Variants in THBS3 observed in about 807,000 individuals in gnomAD.
THBS3 encodes the protein thrombospondin-3.
Under a neutral mutation model 118.3 loss-of-function variants are expected in THBS3, and 78 were observed. The observed-to-expected ratio is 0.66, with a 90% CI of 0.55 to 0.80. The LOEUF (loss-of-function observed/expected upper bound fraction) is 0.80, where lower values mean the gene tolerates loss of function less well. THBS3 is among the 30% of genes least tolerant of loss of function. The pLI is 0.00. For missense variants in THBS3, 1,057 were observed against 1,247.4 expected (o/e 0.85, Z 2.30); for synonymous variants, 427 against 475.3 (o/e 0.90, Z 1.32).
At chr1:155,209,104 C>T (rs2148049199), upstream of THBS3, 12 of 1,543,250 alleles carry the variant, frequency 7.8e-6, no homozygotes, top group Non-Finnish European at 1.0e-5. Flanking sequence ...GTTCAGCTGC[C>T]AGTCGGGCCA....
chr1:155,198,234 G>C lies in THBS3; in HGVS notation c.2075-14C>G, dbSNP rs1484780967. ...CAACGCCATTGCCTGGGCAGAGTGA[G>C]GCTGGGTGCTCAGGAAGGCCCTGGC... On this transcript the variant is annotated splice_polypyrimidine_tract_variant and intron_variant, in intron 17 of 22. Coordinates refer to ENST00000368378, the MANE Select transcript of THBS3 (RefSeq NM_007112.5). 1 of 1,613,186 alleles carries C rather than the reference G, an allele frequency of 6.2e-7. No individual in the cohort carries two copies. Among genetic ancestry groups the C allele is most frequent in the African/African-American group, 1.3e-5 (1 of 74,912 alleles).
At position 155,202,770 on chromosome 1, in the gene THBS3, A is replaced by AC; in HGVS notation, c.957+41dup. ...CTCTTGGGTGCCTCCTGACATCCTCACCCCAGTTTTCTGTACCCTTCTGGG... is the reference window on the plus strand; with the variant it reads ...CTCTTGGGTGCCTCCTGACATCCTCACCCCCAGTTTTCTGTACCCTTCTGGG... On this transcript the variant is annotated intron_variant, in intron 8 of 22. Coordinates refer to ENST00000368378, the MANE Select transcript of THBS3 (RefSeq NM_007112.5). The surrounding 1 kb of genome is among the most constrained non-coding windows in gnomAD (Gnocchi z 5.5). 6.4e-7 allele frequency: 1 copy of AC among 1,572,976 alleles called. No individual in the cohort carries two copies. The highest frequency in any genetic ancestry group is 8.6e-7 in the Non-Finnish European group (1 of 1,158,442).
rs538413384 is a variant in THBS3 at position 155,205,307 on chromosome 1, C to T, written c.296G>A (p.Arg99Gln). The change falls in exon 3 of 23, where the codon CGA becomes CAA. Residue 99 changes from arginine (R) to glutamine (Q), a missense_variant. Coordinates refer to ENST00000368378, the MANE Select transcript of THBS3 (RefSeq NM_007112.5). ...VVGKINKVLV[R>Q]YQREDGKVHA... The stretch of plus-strand genomic sequence containing the variant: ...GACTTTGCCATCCTCCCGCTGGTAT[C>T]GCACCAGTACTGCCCAGGAGGGGAG... 11 of 1,613,800 alleles carry T rather than the reference C, an allele frequency of 6.8e-6. No homozygotes were observed. The highest frequency in any genetic ancestry group is 3.3e-5 in the Admixed American group (2 of 60,014).
chr1:155,208,864 G>T (rs368634289), upstream of THBS3: 11 of 1,610,388 alleles, frequency 6.8e-6, no homozygotes, highest in Admixed American at 1.7e-5. Context: ...AGGGGCCCTG[G>T]AGCAGTACAG....
At chr1:155,204,797 A>C (rs1213013057) in intron 4 of THBS3, 58 bp downstream of exon 4, 11 of 1,459,026 alleles carry the variant, frequency 7.5e-6, no homozygotes, top group Non-Finnish European at 1.1e-5. Context: ...AGAAGACAGG[A>C]GTCACCAAAG....
chr1:155,197,170 G>T lies in THBS3; in HGVS notation c.2543C>A (p.Ala848Asp). 1 of 1,614,172 alleles carries T rather than the reference G, an allele frequency of 6.2e-7. No individual in the cohort carries two copies. The highest frequency in any genetic ancestry group is 8.5e-7 in the Non-Finnish European group (1 of 1,180,008). ...AGGGGTGTGGCCAGTATGCCACAGG[G>T]CATTTCGGAGGTGCTCACCTGGGCC... ...VSGPGEHLRNALWHTGHTPDQ... is the reference protein window; with the variant it reads ...VSGPGEHLRNDLWHTGHTPDQ... Residue 848 changes from alanine (A) to aspartate (D), a missense_variant, in exon 21 of 23, where the codon GCC (alanine) becomes GAC (aspartate). Physicochemically the swap from Ala to Asp is moderately radical, Grantham distance 126. Around this residue, in one of 3 missense-constraint regions of THBS3, gnomAD observed 307 missense variants for 326.1 expected, o/e 0.94. Coordinates refer to ENST00000368378, the MANE Select transcript of THBS3 (RefSeq NM_007112.5). The surrounding 1 kb of genome is among the most constrained non-coding windows in gnomAD (Gnocchi z 5.0).
At chr1:155,205,933 C>T (rs1192929158) in intron 2 of THBS3, among the ~76,000 whole-genome samples, 1 of 152,174 alleles carries the variant, frequency 6.6e-6, no homozygotes, top group Non-Finnish European at 1.5e-5. Flanking sequence ...CAGAGACATG[C>T]CTCACCCTCC....
chr1:155,206,146 G>T lies in THBS3; in HGVS notation c.286+54C>A. ...GGAAGCACTTGGGAAGTAGGGATGA[G>T]GGAGAGTGCTTAAGGAGGTCACCAT... On this transcript the variant is annotated intron_variant, in intron 2 of 22. Transcript: ENST00000368378. The surrounding 1 kb of genome is among the most constrained non-coding windows in gnomAD (Gnocchi z 4.2). The T allele has an allele frequency of 6.3e-7, 1 of 1,587,512 alleles. No homozygotes were observed. The highest frequency in any genetic ancestry group is 8.6e-7 in the Non-Finnish European group (1 of 1,159,710).
rs750030209 is a variant in THBS3 at position 155,206,200 on chromosome 1, CT to C, written c.285del (p.Val96TyrfsTer15). The stretch of plus-strand genomic sequence containing the variant: ...AAGAAAGGAGATGCCCACCAGTCAC[CT>C]TTGTTGATCTTGCCTACAACAGAGG... ...LEASVVGKIN[K>X]VLVRYQREDG... On this transcript the variant is annotated frameshift_variant and splice_region_variant, in exon 2 of 23. Coordinates refer to ENST00000368378, the MANE Select transcript of THBS3 (RefSeq NM_007112.5). LOFTEE classifies it high-confidence loss of function. The surrounding 1 kb of genome is among the most constrained non-coding windows in gnomAD (Gnocchi z 4.2). 3.7e-6 allele frequency: 6 copies of C among 1,613,756 alleles called. No homozygotes were observed. The highest frequency in any genetic ancestry group is 5.1e-6 in the Non-Finnish European group (6 of 1,179,978).
At chr1:155,205,468 CAAT>C in intron 2 of THBS3, 152 bp from the exon 3 acceptor site, 1 of 1,089,954 alleles carries the variant, frequency 9.2e-7, no homozygotes, top group Non-Finnish European at 1.3e-6. Flanking sequence ...AATAGGTACA[CAAT>C]AAATGTTTTT....
At position 155,202,732 on chromosome 1, in the gene THBS3, C is replaced by T; in HGVS notation, c.957+80G>A. 3 of 1,530,860 alleles carry T rather than the reference C, an allele frequency of 2.0e-6. No homozygotes were observed. The highest frequency in any genetic ancestry group is 2.6e-6 in the Non-Finnish European group (3 of 1,136,614). 94.8% of individuals were successfully genotyped at this position (1,530,860 alleles called of 1,614,324 possible). A position where few individuals can be genotyped will look rare whatever the true frequency, so the allele number is the denominator to read the frequency against. ...TCCAGATTCCTCTCCTCCGGACCAG[C>T]ATTTATCCCACCCTCTTGGGTGCCT... On this transcript the variant is annotated intron_variant, in intron 8 of 22. Coordinates refer to ENST00000368378, the MANE Select transcript of THBS3 (RefSeq NM_007112.5). This position sits in a 1 kb window ranked among gnomAD's most constrained non-coding sequence, Gnocchi z 5.5.
intron 11 of THBS3, 62 bp from the exon 12 acceptor site, chr1:155,201,266 T>C: frequency 6.2e-7 from 1 of 1,606,250 alleles, no homozygotes; most frequent in Non-Finnish European, 8.5e-7. Flanking sequence ...CCCTATATTT[T>C]CCCTGCTTCA....
At chr1:155,199,762 CAAA>C in intron 16 of THBS3, 39 bp downstream of exon 16, 1 of 1,608,802 alleles carries the variant, frequency 6.2e-7, no homozygotes. Flanking sequence ...CTCAGAAAGA[CAAA>C]AAAAAGAAAG....
Position 155,197,817 on chromosome 1 carries a change from T to C in THBS3, c.2302+63A>G. 1 of 1,610,624 alleles carries C rather than the reference T, an allele frequency of 6.2e-7. No homozygotes were observed. The highest frequency in any genetic ancestry group is 8.5e-7 in the Non-Finnish European group (1 of 1,177,088). Reference sequence around the variant, plus strand: ...CATTCTCCCTGTCTGTTTCCTCCCCTACCCTCTGCCCCTATAGGATTCCTC... The same window carrying C: ...CATTCTCCCTGTCTGTTTCCTCCCCCACCCTCTGCCCCTATAGGATTCCTC... On this transcript the variant is annotated intron_variant, in intron 19 of 22. Transcript: ENST00000368378. This position sits in a 1 kb window ranked among gnomAD's most constrained non-coding sequence, Gnocchi z 5.0.
At chr1:155,199,358 C>T (rs1201393481) in intron 16 of THBS3, among the ~76,000 whole-genome samples, 1 of 150,166 alleles carries the variant, frequency 6.7e-6, no homozygotes, top group Non-Finnish European at 1.5e-5. Flanking sequence ...TGCAGTGAGC[C>T]GAGATCATGC....
At chr1:155,199,943 C>T (rs1571887463) in intron 15 of THBS3, 52 bp downstream of exon 15, 2 of 1,609,412 alleles carry the variant, frequency 1.2e-6, no homozygotes, top group East Asian at 4.5e-5. Flanking sequence ...AGGGCTGGGG[C>T]TTCATCCATC....
intron 1 of THBS3, 46 bp downstream of exon 1, chr1:155,207,752 T>C: frequency 6.3e-7 from 1 of 1,593,940 alleles, no homozygotes. Flanking sequence ...TGAGGGCAAA[T>C]GGGGAAGAAG....
At chr1:155,208,891 C>T (rs1356114452), upstream of THBS3, 1 of 1,611,622 alleles carries the variant, frequency 6.2e-7, no homozygotes, top group Non-Finnish European at 8.5e-7. Flanking sequence ...TGCAGTTTGG[C>T]AAGAGCCCCC....
chr1:155,195,803 G>A lies in THBS3; in HGVS notation c.*38C>T, dbSNP rs1225459012. On this transcript the variant is annotated 3_prime_UTR_variant, in exon 23 of 23. Transcript: ENST00000368378. ...CCAGGATGGACCCCAAGGCCAAAGG[G>A]TCTAAAATTCTGAATTCTGAATCTG... 6.2e-7 allele frequency: 1 copy of A among 1,609,468 alleles called. No homozygotes were observed. Among genetic ancestry groups the A allele is most frequent in the Non-Finnish European group, 8.5e-7 (1 of 1,178,666 alleles).
Sources: allele counts gnomAD v4.1 joint callset (sites outside exome capture counted in the v4.1 genomes callset), GRCh38; gene constraint gnomAD v4.1.1; regional missense constraint gnomAD v4.1.1; non-coding constraint Gnocchi (gnomAD v3.1); transcripts MANE v1.5; gene names NCBI Gene and HGNC (gene_info 2026-07-23, HGNC 2026-07-21).